The following INSRR variants were observed in gnomAD, a reference collection of about 807,000 sequenced individuals.
INSRR encodes insulin receptor related receptor, also known as insulin receptor-related protein.
Under a neutral mutation model 130.0 loss-of-function variants are expected in INSRR, and 114 were observed. The ratio of observed to expected loss-of-function variants is 0.88; its 90% CI spans 0.75 to 1.02. The LOEUF is 1.02. Among genes scored for constraint, INSRR ranks in the 50% least tolerant of loss-of-function variants. INSRR has a pLI of 0.00. For synonymous variants in INSRR, 674 were observed against 705.2 expected (o/e 0.96, Z 0.70); for missense variants, 1,657 against 1,735.2 (o/e 0.95, Z 0.80).
intron 8 of INSRR, 85 bp downstream of exon 8, chr1:156,846,434 C>T (rs774983623): frequency 1.3e-4 from 144 of 1,128,456 alleles, no homozygotes; most frequent in Middle Eastern, 9.8e-4. Flanking sequence ...TTCAGTGCCC[C>T]GGCTTCTCTA....
chr1:156,855,290 A>G (rs1489447983), intron 1 of INSRR, among the ~76,000 whole-genome samples: 1 of 151,928 alleles, frequency 6.6e-6, no homozygotes, highest in Non-Finnish European at 1.5e-5. Context: ...TGCAGCCTCC[A>G]TCTCCTGAGT....
chr1:156,851,830 GGGCCTCCTCA>G, intron 3 of INSRR, 42 bp from the exon 4 acceptor site: 1 of 1,587,348 alleles, frequency 6.3e-7, no homozygotes, highest in Non-Finnish European at 8.6e-7. Context: ...GGACCAGTTT[GGGCCTCCTCA>G]GGCCTCCTCA....
At chr1:156,851,865 C>T (rs922529124) in intron 3 of INSRR, 23 bp downstream of exon 3, 2 of 1,572,618 alleles carry the variant, frequency 1.3e-6, no homozygotes, top group African/African-American at 2.7e-5. Context: ...TCCCAGGGTG[C>T]CCCCCACCCT....
intron 19 of INSRR, 118 bp from the exon 20 acceptor site, chr1:156,841,912 A>C: frequency 2.5e-6 from 4 of 1,574,606 alleles, no homozygotes; most frequent in Non-Finnish European, 3.5e-6. Context: ...GAACCCTGGA[A>C]AGTAGGGGCT....
At position 156,846,124 on chromosome 1, in the gene INSRR, G is replaced by T; in HGVS notation, c.1811-5C>A. 3 of 1,586,250 alleles carry T rather than the reference G, an allele frequency of 1.9e-6. No individual in the cohort carries two copies. Among genetic ancestry groups the T allele is most frequent in the Non-Finnish European group, 2.6e-6 (3 of 1,166,032 alleles). ...CGTCTTGGGGCACCGTGGGAGCTAG[G>T]AGTGCGAGAAGGATGCAACTCAGGG... On this transcript the variant is annotated splice_region_variant and splice_polypyrimidine_tract_variant and intron_variant, in intron 8 of 21. Transcript: ENST00000368195.
At chr1:156,851,102 G>T (rs1655188385) in intron 5 of INSRR, 188 bp downstream of exon 5, 2 of 698,206 alleles carry the variant, frequency 2.9e-6, no homozygotes, top group African/African-American at 1.8e-5. Context: ...GTCCTGAGAA[G>T]TAAGTAATGT....
chr1:156,841,779 C>T lies in INSRR; in HGVS notation c.3413G>A (p.Arg1138Gln), dbSNP rs765835617. 2.0e-5 allele frequency: 33 copies of T among 1,613,980 alleles called. No individual in the cohort carries two copies. Among genetic ancestry groups the T allele is most frequent in the African/African-American group, 2.7e-5 (2 of 74,900 alleles). The change falls in exon 20 of 22, where the codon CGG (arginine) becomes CAG (glutamine). Residue 1138 changes from arginine to glutamine, a missense_variant. Physicochemically the swap from Arg to Gln is conservative, Grantham distance 43. Transcript: ENST00000368195. ...GTAATAGTCTGTCTCATACACGTCCCGAGTCATCCCGAAGTCTGGAAAGTG... is the reference window on the plus strand; with the variant it reads ...GTAATAGTCTGTCTCATACACGTCCTGAGTCATCCCGAAGTCTGGAAAGTG... ...TVKIGDFGMT[R>Q]DVYETDYYRK...
chr1:156,841,754 G>T lies in INSRR; in HGVS notation c.3438C>A (p.Tyr1146Ter). The T allele has an allele frequency of 2.5e-6, 4 of 1,614,150 alleles. No individual in the cohort carries two copies. Among genetic ancestry groups the T allele is most frequent in the East Asian group, 2.2e-5 (1 of 44,882 alleles). ...GCAGCAGCCCCTTCCCACCCTTGCG[G>T]TAATAGTCTGTCTCATACACGTCCC... Reference protein sequence around the residue: ...MTRDVYETDYYRKGGKGLLPV... With the variant: ...MTRDVYETDY Residue 1146 changes from tyrosine to a stop codon, truncating the protein, a stop_gained, in exon 20 of 22, where the codon TAC becomes TAA. Transcript: ENST00000368195. LOFTEE classifies it high-confidence loss of function.
At position 156,851,950 on chromosome 1, in the gene INSRR, G is replaced by T. The variant is rs55881234; in HGVS notation, c.879C>A (p.Phe293Leu). The T allele has an allele frequency of 6.2e-7, 1 of 1,606,394 alleles. No homozygotes were observed. The highest frequency in any genetic ancestry group is 1.3e-5 in the African/African-American group (1 of 74,804). The change falls in exon 3 of 22, where the codon TTC (phenylalanine) becomes TTA (leucine). Residue 293 changes from phenylalanine to leucine, a missense_variant. Phe to Leu is a conservative substitution (Grantham distance 22). Transcript: ENST00000368195. ...CCAGGCAACTGCCCTGGTGTATGCC[G>T]AAGGTGGAGGCACGGCCGGGCACAG... ...LHSVPGRAST[F>L]GIHQGSCLAQ...
At chr1:156,855,211 T>TC (rs55960922) in intron 1 of INSRR, among the ~76,000 whole-genome samples, 11,244 of 150,760 alleles carry the variant, frequency 0.075, 461 homozygotes, top group African/African-American at 0.11. Flanking sequence ...TATCTATCTA[T>TC]TTATTTATTT....
At chr1:156,844,003 G>GAGTT (rs1019885106) in intron 15 of INSRR, among the ~76,000 whole-genome samples, 172 bp downstream of exon 15, 1 of 152,226 alleles carries the variant, frequency 6.6e-6, no homozygotes, top group Non-Finnish European at 1.5e-5. Flanking sequence ...TAACCGGGAT[G>GAGTT]AGTTGGTCAC....
At chr1:156,849,195 C>T (rs1655116863) in intron 6 of INSRR, 51 bp downstream of exon 6, 12 of 1,604,706 alleles carry the variant, frequency 7.5e-6, no homozygotes, top group Admixed American at 1.7e-5. Context: ...CCCGGGTGTG[C>T]GTGTCTAGTG....
intron 1 of INSRR, among the ~76,000 whole-genome samples, chr1:156,855,816 C>T (rs1011945958): frequency 2.6e-5 from 4 of 152,058 alleles, no homozygotes; most frequent in Non-Finnish European, 5.9e-5. Flanking sequence ...CAGAGTGAGA[C>T]CCTGTCTAAA....
At position 156,854,009 on chromosome 1, in the gene INSRR, G is replaced by T. The variant is rs55757706; in HGVS notation, c.380C>A (p.Ala127Glu). The change falls in exon 2 of 22, where the codon GCA (alanine) becomes GAA (glutamate). Residue 127 changes from alanine (A) to glutamate (E), a missense_variant. Transcript: ENST00000368195. The surrounding 1 kb of genome is among the most constrained non-coding windows in gnomAD (Gnocchi z 4.2). ...CAGCACGGCCCCAAGTGCAGGCAGTGCCACGTCACGCAGATGTGGCATCTC... is the reference window on the plus strand; with the variant it reads ...CAGCACGGCCCCAAGTGCAGGCAGTTCCACGTCACGCAGATGTGGCATCTC... Reference protein sequence around the residue: ...IFEMPHLRDVALPALGAVLRG... With the variant: ...IFEMPHLRDVELPALGAVLRG... 2,957 of 1,613,886 alleles carry T rather than the reference G, an allele frequency of 1.8e-3. 3 individuals are homozygous for T. The highest frequency in any genetic ancestry group is 2.3e-3 in the Non-Finnish European group (2,764 of 1,179,906).
chr1:156,846,215 T>C, intron 8 of INSRR, 96 bp from the exon 9 acceptor site: 1 of 1,302,852 alleles, frequency 7.7e-7, no homozygotes, highest in Non-Finnish European at 1.0e-6. Flanking sequence ...AACAGCCTTG[T>C]TCTCCCAAAG....
chr1:156,844,557 A>G lies in INSRR; in HGVS notation c.2642T>C (p.Leu881Pro), dbSNP rs755543297. The G allele has an allele frequency of 6.2e-7, 1 of 1,614,220 alleles. No homozygotes were observed. Among genetic ancestry groups the G allele is most frequent in the South Asian group, 1.1e-5 (1 of 91,086 alleles). The change falls in exon 14 of 22, where the codon CTG becomes CCG. Residue 881 changes from leucine to proline, a missense_variant. Physicochemically the swap from Leu to Pro is moderately conservative, Grantham distance 98. Coordinates refer to ENST00000368195, the MANE Select transcript of INSRR (RefSeq NM_014215.3). ...AKFGGVHLAL[L>P]PPGNYSARVR... ...CCTGGCAGAGTAGTTTCCAGGGGGC[A>G]GCAGGGCCAGGTGGACTCCCCCAAA...
chr1:156,842,406 C>G lies in INSRR; in HGVS notation c.3229G>C (p.Glu1077Gln). 1 of 1,614,022 alleles carries G rather than the reference C, an allele frequency of 6.2e-7. No individual in the cohort carries two copies. The highest frequency in any genetic ancestry group is 8.5e-7 in the Non-Finnish European group (1 of 1,179,914). The change falls in exon 18 of 22, where the codon GAG becomes CAG. Residue 1077 changes from glutamate (E) to glutamine (Q), a missense_variant. Glu to Gln is a conservative substitution (Grantham distance 29, BLOSUM62 2). Coordinates refer to ENST00000368195, the MANE Select transcript of INSRR (RefSeq NM_014215.3). ...LKSHLRSLRP[E>Q]AENNPGLPQP... The stretch of plus-strand genomic sequence containing the variant: ...GTCTTCCTGGTCCCTACCTCTGCCT[C>G]AGGCCGCAAAGATCGAAGATGGCTC...
intron 5 of INSRR, among the ~76,000 whole-genome samples, chr1:156,851,023 T>C (rs751077874): frequency 2.0e-5 from 3 of 152,230 alleles, no homozygotes; most frequent in Non-Finnish European, 2.9e-5. Flanking sequence ...TAATTTATAT[T>C]GTATATACTG....
Position 156,841,518 on chromosome 1 carries a change from C to A in INSRR, c.3538G>T (p.Val1180Leu). The A allele has an allele frequency of 6.2e-7, 1 of 1,614,004 alleles. No individual in the cohort carries two copies. Among genetic ancestry groups the A allele is most frequent in the Non-Finnish European group, 8.5e-7 (1 of 1,179,970 alleles). The change falls in exon 21 of 22, where the codon GTG becomes TTG. Residue 1180 changes from valine (V) to leucine (L), a missense_variant. Val to Leu is a conservative substitution (Grantham distance 32). Transcript: ENST00000368195. Reference sequence around the variant, plus strand: ...AGGGTCACAATCTCCCAGAGTACCACGCCAAAGGACCTGGGGGCATGCAGG... The same window carrying A: ...AGGGTCACAATCTCCCAGAGTACCAAGCCAAAGGACCTGGGGGCATGCAGG... ...TTHSDVWSFG[V>L]VLWEIVTLAE...
Sources: allele counts gnomAD v4.1 joint callset (sites outside exome capture counted in the v4.1 genomes callset), GRCh38; gene constraint gnomAD v4.1.1; non-coding constraint Gnocchi (gnomAD v3.1); transcripts MANE v1.5; gene names NCBI Gene and HGNC (gene_info 2026-07-23, HGNC 2026-07-21).